The following KLRG1 variants were observed in gnomAD, a reference collection of about 807,000 sequenced individuals.
KLRG1 encodes killer cell lectin like receptor G1.
Under a neutral mutation model 21.8 loss-of-function variants are expected in KLRG1, and 16 were observed. The ratio of observed to expected loss-of-function variants is 0.73; its 90% CI spans 0.50 to 1.11. The LOEUF (loss-of-function observed/expected upper bound fraction) is 1.11. Among genes scored for constraint, KLRG1 ranks in the 50% most tolerant of loss-of-function variants. The probability of loss-of-function intolerance (pLI) is 0.00; values close to 1 mark genes in which losing one functional copy is unlikely to be tolerated. For synonymous variants in KLRG1, 69 were observed against 75.9 expected, an observed-to-expected ratio of 0.91 and a Z score of 0.47; for missense variants, 173 against 218.3, an observed-to-expected ratio of 0.79 and a Z score of 1.31.
the KLRG1 span, among the ~76,000 whole-genome samples, chr12:9,108,479 G>T: frequency 2.6e-5 from 4 of 152,262 alleles, no homozygotes; most frequent in Admixed American, 6.5e-5. Flanking sequence ...ATAGACAATT[G>T]CTGGGTTTCC....
At chr12:9,200,552 G>T in the KLRG1 span, 1 of 885,108 alleles carries the variant, frequency 1.1e-6, no homozygotes, top group Non-Finnish European at 1.8e-6. Context: ...CACTCTGAAT[G>T]TTAGATTTAC....
the KLRG1 span, chr12:9,079,128 A>G: frequency 1.3e-6 from 1 of 763,096 alleles, no homozygotes; most frequent in African/African-American, 1.8e-5. Context: ...ATCTAGTATA[A>G]CAAACCATCG....
the KLRG1 span, among the ~76,000 whole-genome samples, chr12:9,123,770 TTAGAG>T: frequency 6.6e-6 from 1 of 152,106 alleles, no homozygotes; most frequent in African/African-American, 2.4e-5. Flanking sequence ...TGTGAAGCAA[TTAGAG>T]TATTTTCCTA....
At chr12:9,200,404 T>C in the KLRG1 span, 1 of 1,611,506 alleles carries the variant, frequency 6.2e-7, no homozygotes, top group Non-Finnish European at 8.5e-7. Context: ...TCCATGATAC[T>C]GATTATCTTT....
chr12:8,991,962 C>T, intron 1 of KLRG1: 1 of 341,872 alleles, frequency 2.9e-6, no homozygotes, highest in Non-Finnish European at 5.4e-6. Context: ...GTGTAAGTCA[C>T]AGTTTCAAAG....
chr12:9,111,328 T>C, the KLRG1 span, among the ~76,000 whole-genome samples: 20 of 152,150 alleles, frequency 1.3e-4, no homozygotes, highest in African/African-American at 4.8e-4. Context: ...TATAGAATGG[T>C]GGTAAGTGCA....
chr12:9,127,004 C>T, the KLRG1 span, among the ~76,000 whole-genome samples: 1 of 152,166 alleles, frequency 6.6e-6, no homozygotes, highest in Non-Finnish European at 1.5e-5. Flanking sequence ...GCTCTAGACA[C>T]TACATTCTTT....
the KLRG1 span, chr12:9,104,128 G>GT: frequency 1.8e-6 from 2 of 1,122,616 alleles, no homozygotes. Context: ...CTAATTGCTA[G>GT]TTTTTTTCTC....
the KLRG1 span, among the ~76,000 whole-genome samples, chr12:9,206,023 G>C: frequency 6.6e-6 from 1 of 152,152 alleles, no homozygotes; most frequent in Non-Finnish European, 1.5e-5. Flanking sequence ...TTTACTGTAT[G>C]AGTAGTAAGG....
At chr12:9,023,344 A>G in the KLRG1 span, among the ~76,000 whole-genome samples, 4 of 152,144 alleles carry the variant, frequency 2.6e-5, no homozygotes, top group African/African-American at 9.7e-5. Context: ...TTGGTCACAA[A>G]AGCATTTTGT....
chr12:9,181,229 A>G, the KLRG1 span: 3 of 1,462,538 alleles, frequency 2.1e-6, no homozygotes, highest in Non-Finnish European at 2.8e-6. Flanking sequence ...TTCAGTTCAT[A>G]TGACTATGTT....
At chr12:9,181,037 A>G in the KLRG1 span, 3 of 1,614,208 alleles carry the variant, frequency 1.9e-6, no homozygotes, top group Non-Finnish European at 2.5e-6. Context: ...TTTGGTCCAC[A>G]GCACGAAGGG....
chr12:9,163,911 C>T, the KLRG1 span: 1 of 1,341,906 alleles, frequency 7.5e-7, no homozygotes, highest in Non-Finnish European at 1.0e-6. Flanking sequence ...AAGAAACCCA[C>T]AAGGTTAATG....
At chr12:9,063,352 G>A in the KLRG1 span, among the ~76,000 whole-genome samples, 1 of 152,162 alleles carries the variant, frequency 6.6e-6, no homozygotes, top group Non-Finnish European at 1.5e-5. Context: ...GGAATATAGG[G>A]TTAGTGGTGA....
At chr12:9,106,419 T>C in the KLRG1 span, 13 of 1,428,312 alleles carry the variant, frequency 9.1e-6, no homozygotes, top group African/African-American at 1.8e-4. Flanking sequence ...TCCCCCCAAC[T>C]TACAATTCAT....
At chr12:9,163,330 G>A in the KLRG1 span, among the ~76,000 whole-genome samples, 18 of 150,680 alleles carry the variant, frequency 1.2e-4, no homozygotes, top group African/African-American at 4.4e-4. Context: ...CCAGGCGCCT[G>A]TAGTCCCAGC....
chr12:9,109,340 T>G, the KLRG1 span: 7 of 1,613,006 alleles, frequency 4.3e-6, no homozygotes, highest in Non-Finnish European at 5.9e-6. Flanking sequence ...ACTGATACAT[T>G]CATCTCTTCT....
the KLRG1 span, chr12:9,152,445 GGACTTGTGCAACACT>G: frequency 1.5e-6 from 1 of 676,072 alleles, no homozygotes; most frequent in East Asian, 2.7e-5. Context: ...TGTGTTCCCT[GGACTTGTGCAACACT>G]GACATTGGAC....
the KLRG1 span, chr12:9,027,591 C>T: frequency 5.3e-5 from 48 of 907,432 alleles, no homozygotes; most frequent in East Asian, 3.1e-4. Flanking sequence ...ACCTTGGTTT[C>T]GTGGTTTGGC....
Sources: allele counts gnomAD v4.1 joint callset (sites outside exome capture counted in the v4.1 genomes callset), GRCh38; gene constraint gnomAD v4.1.1; transcripts MANE v1.5; gene names NCBI Gene and HGNC (gene_info 2026-07-23, HGNC 2026-07-21).